GLIS3: variants seen among roughly 807,000 people sequenced by gnomAD.
GLIS3 encodes zinc finger protein GLIS3.
In GLIS3, 53 loss-of-function variants were observed where a neutral mutation model predicts 78.6. The ratio of observed to expected loss-of-function variants is 0.67; its 90% CI spans 0.54 to 0.85. The LOEUF is 0.85. GLIS3 is among the 40% of genes least tolerant of loss of function. GLIS3 has a pLI of 0.00. For synonymous variants in GLIS3, 684 were observed against 509.9 expected (o/e 1.34, Z -4.60); for missense variants, 1,703 against 1,231.1 (o/e 1.38, Z -5.74).
intron 2 of GLIS3, among the ~76,000 whole-genome samples, chr9:4,142,491 G>A (rs1043982991): frequency 2.6e-5 from 4 of 152,110 alleles, no homozygotes; most frequent in African/African-American, 9.7e-5. Context: ...AACTGTTCCA[G>A]GTGAATCAAA....
At chr9:4,084,814 T>C (rs1828884878) in intron 4 of GLIS3, among the ~76,000 whole-genome samples, 1 of 152,062 alleles carries the variant, frequency 6.6e-6, no homozygotes, top group African/African-American at 2.4e-5. Flanking sequence ...ACGTTAGGAC[T>C]GTGGCCATTA....
intron 2 of GLIS3, among the ~76,000 whole-genome samples, chr9:4,137,860 G>C (rs1411873667): frequency 6.6e-6 from 1 of 152,204 alleles, no homozygotes; most frequent in Non-Finnish European, 1.5e-5. Flanking sequence ...GAAAACCAAA[G>C]AGGAAATGTA....
At chr9:4,157,058 C>T (rs962925436) in intron 2 of GLIS3, among the ~76,000 whole-genome samples, 2 of 152,182 alleles carry the variant, frequency 1.3e-5, no homozygotes, top group Non-Finnish European at 2.9e-5. Context: ...CTTCCATTAA[C>T]ATATATGATT....
intron 2 of GLIS3, among the ~76,000 whole-genome samples, chr9:4,165,355 C>T (rs919763202): frequency 7.2e-5 from 11 of 152,228 alleles, no homozygotes; most frequent in South Asian, 6.2e-4. Context: ...GCAGGAGAAC[C>T]GCTTGAGCCC....
the GLIS3 span, among the ~76,000 whole-genome samples, chr9:4,490,258 T>C: frequency 5.9e-5 from 9 of 152,196 alleles, no homozygotes; most frequent in Non-Finnish European, 1.3e-4. Flanking sequence ...TGGAAGGCTG[T>C]GGGGCGGGAC....
intron 7 of GLIS3, among the ~76,000 whole-genome samples, chr9:3,885,774 T>C (rs867843406): frequency 3.3e-5 from 5 of 152,208 alleles, no homozygotes; most frequent in Non-Finnish European, 7.3e-5. Flanking sequence ...CAACAGAAAT[T>C]CTGATTCCCT....
intron 2 of GLIS3, among the ~76,000 whole-genome samples, chr9:4,173,973 C>T (rs1245165978): frequency 6.6e-6 from 1 of 151,750 alleles, no homozygotes; most frequent in African/African-American, 2.4e-5. Context: ...GAAAAATAAC[C>T]GAAACACTCC....
chr9:4,228,311 A>C (rs1821956720), intron 2 of GLIS3, among the ~76,000 whole-genome samples: 1 of 151,936 alleles, frequency 6.6e-6, no homozygotes, highest in African/African-American at 2.4e-5. Context: ...ACAACTGACA[A>C]GGGAGTATAG....
chr9:3,898,413 T>G (rs1314713680), intron 7 of GLIS3: 39 of 463,296 alleles, frequency 8.4e-5, no homozygotes, highest in South Asian at 5.6e-4. Flanking sequence ...TGAGTAAATG[T>G]AACATAACTG....
At chr9:4,415,747 CA>C in the GLIS3 span, among the ~76,000 whole-genome samples, 1 of 148,680 alleles carries the variant, frequency 6.7e-6, no homozygotes, top group Non-Finnish European at 1.5e-5. Context: ...AAAACAGAAA[CA>C]AAAACAAAAA....
intron 7 of GLIS3, among the ~76,000 whole-genome samples, chr9:3,882,116 C>T (rs1821770340): frequency 6.6e-6 from 1 of 152,190 alleles, no homozygotes; most frequent in Non-Finnish European, 1.5e-5. Context: ...ATTTGGCAGA[C>T]ATGAAGCTAG....
At chr9:3,873,438 T>C (rs1019034577) in intron 8 of GLIS3, among the ~76,000 whole-genome samples, 1 of 152,124 alleles carries the variant, frequency 6.6e-6, no homozygotes, top group African/African-American at 2.4e-5. Flanking sequence ...AAATGGGATA[T>C]ATAACATCAA....
the GLIS3 span, among the ~76,000 whole-genome samples, chr9:4,418,481 T>G: frequency 6.6e-6 from 1 of 152,114 alleles, no homozygotes; most frequent in East Asian, 1.9e-4. Flanking sequence ...GAAATAAAAG[T>G]GGTGTAAAAA....
intron 2 of GLIS3, among the ~76,000 whole-genome samples, chr9:4,229,349 T>C (rs1402134615): frequency 1.3e-5 from 2 of 152,258 alleles, no homozygotes; most frequent in Admixed American, 6.5e-5. Flanking sequence ...AAAACAATAG[T>C]TAATATTAAA....
rs893857127 is a variant in GLIS3, at chr9:4,201,617, G to C, written c.389-75676C>G. Among the ~76,000 whole-genome samples the C allele has an allele frequency of 1.4e-4, 21 of 152,014 alleles. 1 individual carries two copies. The highest frequency in any genetic ancestry group is 1.3e-3 in the Admixed American group (20 of 15,258). ...ACAAAGAATACAATACCCAGGAATA[G>C]AGCTAACCAGGGAGCTAAAAAATAT... On this transcript the variant is annotated intron_variant, in intron 2 of 10. Coordinates refer to ENST00000381971, the MANE Select transcript of GLIS3 (RefSeq NM_001042413.2).
chr9:4,006,323 A>C lies in GLIS3; in HGVS notation c.1711-69134T>G, dbSNP rs1442844945. Among the ~76,000 whole-genome samples, 3 of 151,820 alleles carry C rather than the reference A, an allele frequency of 2.0e-5. No homozygotes were observed. In the East Asian group the frequency reaches 5.8e-4, roughly 29 times the overall value. ...ATGTCTCAAAAAAAAAAAAAAAAAA[A>C]AAAAAACTAGAGTATTTCTAAATCG... On this transcript the variant is annotated intron_variant, in intron 4 of 10. Coordinates refer to ENST00000381971, the MANE Select transcript of GLIS3 (RefSeq NM_001042413.2).
chr9:4,279,861 A>G (rs1444732906), intron 2 of GLIS3, among the ~76,000 whole-genome samples: 4 of 152,078 alleles, frequency 2.6e-5, no homozygotes, highest in Admixed American at 6.5e-5. Flanking sequence ...CTAAAGAGAT[A>G]TGACAACCAA....
intron 5 of GLIS3, chr9:3,932,779 C>A: frequency 2.3e-6 from 1 of 438,042 alleles, no homozygotes; most frequent in Middle Eastern, 3.6e-4. Flanking sequence ...TAGTAAGCAT[C>A]TCTAGTCATA....
chr9:3,892,274 G>A (rs1822515637), intron 7 of GLIS3, among the ~76,000 whole-genome samples: 1 of 152,096 alleles, frequency 6.6e-6, no homozygotes, highest in Admixed American at 6.6e-5. Flanking sequence ...TGGAAATTTA[G>A]GTAGAAAAAC....
Sources: allele counts gnomAD v4.1 joint callset (sites outside exome capture counted in the v4.1 genomes callset), GRCh38; gene constraint gnomAD v4.1.1; transcripts MANE v1.5; gene names NCBI Gene and HGNC (gene_info 2026-07-23, HGNC 2026-07-21).